Variants in NEK2 observed in about 807,000 individuals in gnomAD.
The protein encoded by NEK2 is NIMA related kinase 2, also known as serine/threonine-protein kinase Nek2.
Under a neutral mutation model 54.1 loss-of-function variants are expected in NEK2, and 28 were observed. The observed-to-expected ratio is 0.52, with a 90% CI of 0.38 to 0.71. The LOEUF (loss-of-function observed/expected upper bound fraction) is 0.71, where lower values mean the gene tolerates loss of function less well. Among genes scored for constraint, NEK2 ranks in the 30% least tolerant of loss-of-function variants. NEK2 has a pLI of 0.00. For missense variants in NEK2, 407 were observed against 531.5 expected (o/e 0.77, Z 2.30); for synonymous variants, 176 against 193.1 (o/e 0.91, Z 0.73).
chr1:211,660,905 A>AG, downstream of NEK2: 1 of 736,928 alleles, frequency 1.4e-6, no homozygotes, highest in Non-Finnish European at 2.5e-6. Flanking sequence ...TGATACCAGC[A>AG]GATCTGTCCC....
At position 211,674,401 on chromosome 1, in the gene NEK2, T is replaced by C. The variant is rs2102448110; in HGVS notation, c.209A>G (p.Tyr70Cys). ...RELKHPNIVRYYDRIIDRTNT... is the reference protein window; with the variant it reads ...RELKHPNIVRCYDRIIDRTNT... ...GGTCCGGTCAATAATCCGATCATAG[T>C]AACGAACGATGTTTGGATGTTTCAG... Residue 70 changes from tyrosine (Y) to cysteine (C), a missense_variant, in exon 2 of 8, where the codon TAC (tyrosine) becomes TGC (cysteine). Tyr to Cys is a radical substitution (Grantham distance 194, BLOSUM62 -2). Transcript: ENST00000366999. The C allele has an allele frequency of 6.2e-7, 1 of 1,614,166 alleles. No individual in the cohort carries two copies. Among genetic ancestry groups the C allele is most frequent in the Non-Finnish European group, 8.5e-7 (1 of 1,180,006 alleles).
At chr1:211,658,634 T>C (rs1228932077), downstream of NEK2, 1 of 437,826 alleles carries the variant, frequency 2.3e-6, no homozygotes, top group Non-Finnish European at 4.5e-6. Context: ...GTGGGAGGAT[T>C]ACTTGAGCCT....
chr1:211,675,546 A>C lies in NEK2; in HGVS notation c.-67T>G. ...CGCCGCCAAGTGCGGAGCTCCAGGGACCAGGAACTCCAGGGACCTGGATGG... is the reference window on the plus strand; with the variant it reads ...CGCCGCCAAGTGCGGAGCTCCAGGGCCCAGGAACTCCAGGGACCTGGATGG... On this transcript the variant is annotated 5_prime_UTR_variant, in exon 1 of 8. Transcript: ENST00000366999. The C allele has an allele frequency of 3.0e-6, 4 of 1,347,460 alleles. No individual in the cohort carries two copies. Among genetic ancestry groups the C allele is most frequent in the Non-Finnish European group, 3.2e-6 (3 of 941,708 alleles). 83.5% of individuals were successfully genotyped at this position (1,347,460 alleles called of 1,614,324 possible). A position where few individuals can be genotyped will look rare whatever the true frequency, so the allele number is the denominator to read the frequency against.
At chr1:211,661,599 C>T (rs1655020093), downstream of NEK2, among the ~76,000 whole-genome samples, 2 of 152,160 alleles carry the variant, frequency 1.3e-5, no homozygotes, top group Non-Finnish European at 2.9e-5. Flanking sequence ...TTGATAAAAA[C>T]CAGTAGGGAT....
At chr1:211,661,819 C>T (rs978066465), downstream of NEK2, among the ~76,000 whole-genome samples, 1 of 152,168 alleles carries the variant, frequency 6.6e-6, no homozygotes, top group Non-Finnish European at 1.5e-5. Flanking sequence ...GAATTTTATT[C>T]TCTGACAAAG....
At chr1:211,672,841 T>C (rs1002380294) in intron 3 of NEK2, among the ~76,000 whole-genome samples, 1 of 152,140 alleles carries the variant, frequency 6.6e-6, no homozygotes, top group African/African-American at 2.4e-5. Context: ...AGTCATTCCA[T>C]AAAAGCTTGA....
At position 211,670,287 on chromosome 1, in the gene NEK2, G is replaced by A. The variant is rs139287849; in HGVS notation, c.759C>T (p.Asn253=). The A allele has an allele frequency of 9.1e-4, 1,464 of 1,609,270 alleles. 4 individuals are homozygous for A. The highest frequency in any genetic ancestry group is 1.1e-3 in the Non-Finnish European group (1,353 of 1,178,092). ...ATCATCTTATCATCTTTACCTTTAA[G>A]TTTAACATCCTCGTAATAATTTCAT... ...ELNEIITRML[N]LKDYHRPSVE... is the part of the protein sequence containing the mutation. The change falls in exon 5 of 8, where the codon AAC becomes AAT. Residue 253 remains asparagine (N), a synonymous_variant. Transcript: ENST00000366999.
chr1:211,661,877 T>G (rs1655026493), downstream of NEK2, among the ~76,000 whole-genome samples: 4 of 152,194 alleles, frequency 2.6e-5, no homozygotes, highest in Admixed American at 2.6e-4. Context: ...GGAGCAGAAT[T>G]TGTACATAAC....
In NEK2 at chr1:211,667,231, T is replaced by G; in HGVS notation, c.986A>C (p.Gln329Pro). The change falls in exon 7 of 8, where the codon CAG becomes CCG. Residue 329 changes from glutamine (Q) to proline (P), a missense_variant and splice_region_variant. Transcript: ENST00000366999. ...ACGAACACAAAGCTCCTGTTCTTTC[T>G]CTTTAAAAAGAGAATGGACAAAGAA... ...ALKAREERLEQKEQELCVRER... is the reference protein window; with the variant it reads ...ALKAREERLEPKEQELCVRER... 1 of 1,582,282 alleles carries G rather than the reference T, an allele frequency of 6.3e-7. No individual in the cohort carries two copies. The highest frequency in any genetic ancestry group is 2.3e-5 in the East Asian group (1 of 44,284).
downstream of NEK2, chr1:211,660,548 C>A: frequency 1.6e-6 from 1 of 633,460 alleles, no homozygotes. Flanking sequence ...TTAAAGAACT[C>A]TCCCATCTCC....
chr1:211,671,313 G>A, intron 3 of NEK2, 29 bp from the exon 4 acceptor site: 3 of 1,520,696 alleles, frequency 2.0e-6, no homozygotes, highest in Non-Finnish European at 2.7e-6. Context: ...TAAGAAAGTG[G>A]AAGGTGTTAA....
At position 211,671,144 on chromosome 1, in the gene NEK2, G is replaced by T. The variant is rs1655374111; in HGVS notation, c.638+58C>A. ...ACAGAGGCTCAAAAAACTGAACCCA[G>T]TGAAATGTGACAAACAGTACAAACC... On this transcript the variant is annotated intron_variant, in intron 4 of 7. Transcript: ENST00000366999. 3.6e-6 allele frequency: 5 copies of T among 1,389,636 alleles called. No individual in the cohort carries two copies. The African/African-American group carries it at 4.3e-5, about 12-fold the overall frequency. 86.1% of individuals were successfully genotyped at this position (1,389,636 alleles called of 1,614,324 possible). A position where few individuals can be genotyped will look rare whatever the true frequency, so the allele number is the denominator to read the frequency against.
At chr1:211,674,620 T>A (rs1215872845) in intron 1 of NEK2, 107 bp from the exon 2 acceptor site, 2 of 786,152 alleles carry the variant, frequency 2.5e-6, no homozygotes, top group African/African-American at 3.5e-5. Context: ...TATCCTACAA[T>A]CAAGGTCATT....
At chr1:211,669,043 G>A (rs1655270172) in intron 6 of NEK2, 70 bp downstream of exon 6, 8 of 1,327,254 alleles carry the variant, frequency 6.0e-6, no homozygotes, top group African/African-American at 1.5e-5. Flanking sequence ...TCTGCTCAAA[G>A]AGATATTCAG....
chr1:211,670,140 C>T (rs1194736798), intron 5 of NEK2, 141 bp downstream of exon 5: 5 of 849,408 alleles, frequency 5.9e-6, no homozygotes, highest in Non-Finnish European at 6.7e-6. Flanking sequence ...CATATGTTTT[C>T]ACTTGTGTTA....
chr1:211,663,737 C>A (rs1655090201), intron 7 of NEK2, 85 bp from the exon 8 acceptor site: 1 of 1,292,124 alleles, frequency 7.7e-7, no homozygotes, highest in African/African-American at 1.5e-5. Context: ...AAAGTATTTG[C>A]TCTTATGGCT....
chr1:211,661,115 C>A, downstream of NEK2: 1 of 747,492 alleles, frequency 1.3e-6, no homozygotes, highest in Non-Finnish European at 2.5e-6. Flanking sequence ...CCAGGACCTC[C>A]TTGAGCTGGG....
At chr1:211,674,707 T>C (rs1413987905) in intron 1 of NEK2, among the ~76,000 whole-genome samples, 194 bp from the exon 2 acceptor site, 2 of 152,332 alleles carry the variant, frequency 1.3e-5, no homozygotes, top group East Asian at 1.9e-4. Flanking sequence ...GCAGTAAATG[T>C]ATGTTGTGGG....
At chr1:211,660,843 T>C, downstream of NEK2, 1 of 711,524 alleles carries the variant, frequency 1.4e-6, no homozygotes, top group Admixed American at 1.8e-5. Flanking sequence ...AGTAGATACA[T>C]GCTTCCAGAA....
Sources: gnomAD v4.1 joint callset for allele counts (sites outside exome capture counted in the v4.1 genomes callset) on GRCh38, gnomAD v4.1.1 for gene constraint, MANE v1.5 for transcripts, NCBI Gene and HGNC (gene_info 2026-07-23, HGNC 2026-07-21) for gene names.